RSU1: variants seen among roughly 807,000 people sequenced by gnomAD.
RSU1 encodes the protein Ras suppressor protein 1, also known as rsu-1.
RSU1 carries 26 observed loss-of-function variants against 31.1 expected under a neutral mutation model. The observed-to-expected ratio is 0.84, with a 90% CI of 0.61 to 1.16. The LOEUF (loss-of-function observed/expected upper bound fraction) is 1.16. Among genes scored for constraint, RSU1 ranks in the 50% most tolerant of loss-of-function variants. RSU1 has a pLI of 0.00. For missense variants in RSU1, 320 were observed against 339.1 expected (o/e 0.94, Z 0.44); for synonymous variants, 164 against 136.3 (o/e 1.20, Z -1.41).
chr10:16,712,419 T>C (rs1321674812), intron 7 of RSU1, among the ~76,000 whole-genome samples: 1 of 152,262 alleles, frequency 6.6e-6, no homozygotes, highest in East Asian at 1.9e-4. Context: ...ACTCATGTTA[T>C]TTTCCTTCGC....
intron 7 of RSU1, 127 bp downstream of exon 7, chr10:16,752,412 G>C (rs1836996993): frequency 1.4e-6 from 1 of 694,302 alleles, no homozygotes; most frequent in Admixed American, 2.3e-5. Flanking sequence ...GTTCTCAAAT[G>C]ATCAGCATCG....
intron 8 of RSU1, among the ~76,000 whole-genome samples, chr10:16,682,963 A>T (rs1477195825): frequency 2.6e-5 from 4 of 152,170 alleles, no homozygotes; most frequent in Non-Finnish European, 5.9e-5. Context: ...TAGGACAAAG[A>T]GGTGGTTTGT....
chr10:16,638,012 C>G (rs1483530423), intron 8 of RSU1, among the ~76,000 whole-genome samples: 1 of 152,146 alleles, frequency 6.6e-6, no homozygotes, highest in Non-Finnish European at 1.5e-5. Context: ...ATGGTACTTT[C>G]CAGCTTGTAA....
chr10:16,690,561 G>A (rs1318425393), intron 8 of RSU1, among the ~76,000 whole-genome samples: 2 of 152,036 alleles, frequency 1.3e-5, no homozygotes, highest in Non-Finnish European at 2.9e-5. Flanking sequence ...ATGAAGCTAA[G>A]TCATCTCCAA....
chr10:16,702,873 T>A (rs772992650), intron 7 of RSU1, among the ~76,000 whole-genome samples: 2 of 152,168 alleles, frequency 1.3e-5, no homozygotes, highest in Non-Finnish European at 2.9e-5. Flanking sequence ...ATGATATCGT[T>A]TGGATCTGCA....
chr10:16,699,857 G>T (rs1835752216), intron 7 of RSU1, among the ~76,000 whole-genome samples: 1 of 152,192 alleles, frequency 6.6e-6, no homozygotes, highest in South Asian at 2.1e-4. Flanking sequence ...TCACTCAGAG[G>T]CTTATTCTGC....
At chr10:16,614,505 G>T (rs182042678) in intron 8 of RSU1, among the ~76,000 whole-genome samples, 1 of 151,982 alleles carries the variant, frequency 6.6e-6, no homozygotes, top group African/African-American at 2.4e-5. Context: ...AAAAATAAGA[G>T]TATCAATGGA....
In RSU1 at chr10:16,646,026, ATATATGTGTATATACATATATG is replaced by A. The variant is rs1564298602; in HGVS notation, c.731+48975_731+48996del. On this transcript the variant is annotated intron_variant, in intron 8 of 8. Coordinates refer to ENST00000345264, the MANE Select transcript of RSU1 (RefSeq NM_012425.4). ...TATGTGTATATACATATATGTGTAT[ATATATGTGTATATACATATATG>A]TGTATATATATATACACACACACAC... Among the ~76,000 whole-genome samples, 21 of 73,226 alleles carry A rather than the reference ATATATGTGTATATACATATATG, an allele frequency of 2.9e-4. 5 individuals carry two copies. Among genetic ancestry groups the A allele is most frequent in the South Asian group, 2.1e-3 (4 of 1,938 alleles). 48.0% of individuals were successfully genotyped at this position (73,226 alleles called of 152,430 possible).
intron 8 of RSU1, among the ~76,000 whole-genome samples, chr10:16,668,102 CTG>C (rs1835034500): frequency 6.6e-6 from 1 of 152,198 alleles, no homozygotes; most frequent in Admixed American, 6.5e-5. Flanking sequence ...CATATTAAAA[CTG>C]TAACCTTGAG....
chr10:16,706,628 G>T lies in RSU1; in HGVS notation c.599-11473C>A, dbSNP rs554129152. ...ACACAGTGGAATTATACATACTTAT[G>T]GGGGTACAATTTGATGTTTTGATAC... On this transcript the variant is annotated intron_variant, in intron 7 of 8. Transcript: ENST00000345264. Among the ~76,000 whole-genome samples, 142 of 152,138 alleles carry T rather than the reference G, an allele frequency of 9.3e-4. 1 individual carries two copies. Among genetic ancestry groups the T allele is most frequent in the African/African-American group, 3.1e-3 (130 of 41,518 alleles).
At chr10:16,703,663 A>G (rs547037894) in intron 7 of RSU1, among the ~76,000 whole-genome samples, 1 of 152,340 alleles carries the variant, frequency 6.6e-6, no homozygotes, top group South Asian at 2.1e-4. Flanking sequence ...TGGTCATGAC[A>G]TAATATTGAA....
At chr10:16,632,801 G>T (rs998615423) in intron 8 of RSU1, among the ~76,000 whole-genome samples, 1 of 152,080 alleles carries the variant, frequency 6.6e-6, no homozygotes, top group African/African-American at 2.4e-5. Flanking sequence ...AAATAGCTGG[G>T]TGTGGTGGTG....
At chr10:16,687,969 T>C (rs1417798029) in intron 8 of RSU1, among the ~76,000 whole-genome samples, 1 of 152,122 alleles carries the variant, frequency 6.6e-6, no homozygotes, top group Non-Finnish European at 1.5e-5. Flanking sequence ...GTGATCCTCC[T>C]GCCTCGCCTT....
At chr10:16,762,249 G>A (rs560921990) in intron 4 of RSU1, among the ~76,000 whole-genome samples, 6 of 151,566 alleles carry the variant, frequency 4.0e-5, no homozygotes, top group Non-Finnish European at 5.9e-5. Context: ...CTAATACTAG[G>A]TACTGCTCAG....
In RSU1 at chr10:16,681,229, A is replaced by G. The variant is rs189822046; in HGVS notation, c.731+13794T>C. On this transcript the variant is annotated intron_variant, in intron 8 of 8. Transcript: ENST00000345264. ...TGATCCTTTACATGCCACTTTCTCTAACCTATTAAGATGCTCGTTGTTTCT... is the reference window on the plus strand; with the variant it reads ...TGATCCTTTACATGCCACTTTCTCTGACCTATTAAGATGCTCGTTGTTTCT... Among the ~76,000 whole-genome samples, 309 of 152,340 alleles carry G rather than the reference A, an allele frequency of 2.0e-3. 1 individual carries two copies. The highest frequency in any genetic ancestry group is 7.2e-3 in the African/African-American group (299 of 41,584).
rs964842235 is a variant in RSU1, at chr10:16,673,319, G to C, written c.731+21704C>G. ...CAGCCACACTTATTCTCAAAAGCAG[G>C]ACATTTGCTCCAACATGAACAGAGC... On this transcript the variant is annotated intron_variant, in intron 8 of 8. Coordinates refer to ENST00000345264, the MANE Select transcript of RSU1 (RefSeq NM_012425.4). Among the ~76,000 whole-genome samples the C allele has an allele frequency of 2.0e-5, 3 of 152,188 alleles. No individual in the cohort carries two copies. The East Asian group carries it at 5.8e-4, about 29-fold the overall frequency.
At chr10:16,638,745 G>A (rs1038186524) in intron 8 of RSU1, among the ~76,000 whole-genome samples, 4 of 152,222 alleles carry the variant, frequency 2.6e-5, no homozygotes, top group Non-Finnish European at 4.4e-5. Context: ...ATGCGAGGAG[G>A]CCTGGCGGGA....
chr10:16,688,081 G>A (rs1835472286), intron 8 of RSU1, among the ~76,000 whole-genome samples: 1 of 152,038 alleles, frequency 6.6e-6, no homozygotes, highest in South Asian at 2.1e-4. Context: ...ACATTCTGGA[G>A]TTTTTTGTGT....
At chr10:16,645,678 A>G (rs987656289) in intron 8 of RSU1, among the ~76,000 whole-genome samples, 5 of 151,136 alleles carry the variant, frequency 3.3e-5, no homozygotes, top group Non-Finnish European at 7.4e-5. Flanking sequence ...CGTGTGGCGC[A>G]CACCTGTAAT....
Sources: gnomAD v4.1 joint callset for allele counts (sites outside exome capture counted in the v4.1 genomes callset) on GRCh38, gnomAD v4.1.1 for gene constraint, MANE v1.5 for transcripts, NCBI Gene and HGNC (gene_info 2026-07-23, HGNC 2026-07-21) for gene names.